Variants in DCBLD2 observed in about 807,000 individuals in gnomAD.
DCBLD2 encodes the protein discoidin, CUB and LCCL domain-containing protein 2.
A neutral mutation model predicts 86.8 loss-of-function variants in DCBLD2; 54 were observed. That is an observed-to-expected ratio of 0.62 (90% CI 0.50 to 0.78). DCBLD2 has a LOEUF of 0.78. Among genes scored for constraint, DCBLD2 ranks in the 30% least tolerant of loss-of-function variants. The probability of loss-of-function intolerance (pLI) is 0.00; values close to 1 mark genes in which losing one functional copy is unlikely to be tolerated. For synonymous variants in DCBLD2, 354 were observed against 341.3 expected (o/e 1.04, Z -0.41); for missense variants, 908 against 954.2 (o/e 0.95, Z 0.64).
intron 3 of DCBLD2, among the ~76,000 whole-genome samples, chr3:98,830,540 T>G (rs1413620014): frequency 1.3e-5 from 2 of 152,222 alleles, no homozygotes; most frequent in Non-Finnish European, 2.9e-5. Context: ...GAAGATCAGG[T>G]GGTTGCAGAT....
chr3:98,846,321 AG>A (rs964193029), intron 3 of DCBLD2, among the ~76,000 whole-genome samples: 2 of 152,220 alleles, frequency 1.3e-5, no homozygotes, highest in Non-Finnish European at 2.9e-5. Flanking sequence ...CTTCTAGGCT[AG>A]GGACATGTAG....
chr3:98,836,006 A>T (rs1178897067), intron 3 of DCBLD2, among the ~76,000 whole-genome samples: 17 of 132,966 alleles, frequency 1.3e-4, no homozygotes, highest in African/African-American at 4.5e-4. Context: ...AATTCTTTTG[A>T]ACTTATGTAT....
At chr3:98,824,485 C>T (rs1942181083) in intron 4 of DCBLD2, among the ~76,000 whole-genome samples, 1 of 152,204 alleles carries the variant, frequency 6.6e-6, no homozygotes, top group African/African-American at 2.4e-5. Flanking sequence ...AGAGGGCACC[C>T]TTCCCACACA....
At chr3:98,822,204 T>A in intron 6 of DCBLD2, 24 bp downstream of exon 6, 1 of 1,612,340 alleles carries the variant, frequency 6.2e-7, no homozygotes, top group Non-Finnish European at 8.5e-7. Flanking sequence ...TAGCATATAT[T>A]TTTTAAATTG....
At chr3:98,901,097 C>G (rs1213143357) in intron 1 of DCBLD2, 25 bp downstream of exon 1, 2 of 1,538,444 alleles carry the variant, frequency 1.3e-6, no homozygotes, top group Non-Finnish European at 1.7e-6. Context: ...GTTCCCCCGC[C>G]GCTCACTCCC....
chr3:98,847,196 T>C (rs572054634), intron 3 of DCBLD2, among the ~76,000 whole-genome samples: 131 of 152,280 alleles, frequency 8.6e-4, no homozygotes, highest in African/African-American at 2.8e-3. Context: ...GTGTCTGCTA[T>C]GTCATGAGCC....
intron 3 of DCBLD2, among the ~76,000 whole-genome samples, chr3:98,844,025 A>T (rs1576177190): frequency 2.1e-5 from 1 of 48,016 alleles, no homozygotes; most frequent in East Asian, 1.3e-3. Flanking sequence ...CCACTTTCCA[A>T]TCATGCATGC....
At chr3:98,833,230 T>A (rs1942355145) in intron 3 of DCBLD2, among the ~76,000 whole-genome samples, 1 of 152,242 alleles carries the variant, frequency 6.6e-6, no homozygotes. Context: ...CTGCTGTTAA[T>A]ACTTGCAATT....
rs114280529 is a variant in DCBLD2 at position 98,826,198 on chromosome 3, C to T, written c.572-832G>A. On this transcript the variant is annotated intron_variant, in intron 3 of 15. Coordinates refer to ENST00000326840, the MANE Select transcript of DCBLD2 (RefSeq NM_080927.4). Reference sequence around the variant, plus strand: ...AGCAAAAAAAACAAAACAAAACACACCATTTCAGTGGCTTCCTTCTCTTAG... The same window carrying T: ...AGCAAAAAAAACAAAACAAAACACATCATTTCAGTGGCTTCCTTCTCTTAG... Among the ~76,000 whole-genome samples the T allele has an allele frequency of 6.7e-3, 1,015 of 152,210 alleles. 14 individuals are homozygous for T. The highest frequency in any genetic ancestry group is 0.024 in the African/African-American group (976 of 41,518).
At chr3:98,802,326 ATG>A (rs1411772198) in intron 13 of DCBLD2, among the ~76,000 whole-genome samples, 1 of 151,980 alleles carries the variant, frequency 6.6e-6, no homozygotes, top group East Asian at 1.9e-4. Context: ...GCATTTTTTC[ATG>A]TGTTTGTTGG....
intron 3 of DCBLD2, among the ~76,000 whole-genome samples, chr3:98,827,873 TA>T (rs1463108317): frequency 1.3e-5 from 2 of 152,242 alleles, no homozygotes; most frequent in Non-Finnish European, 2.9e-5. Flanking sequence ...TAGCAATGTA[TA>T]AGTCATCATA....
At chr3:98,822,777 C>T in intron 4 of DCBLD2, 36 bp from the exon 5 acceptor site, 1 of 1,530,280 alleles carries the variant, frequency 6.5e-7, no homozygotes, top group Non-Finnish European at 8.8e-7. Context: ...TTACATAATG[C>T]TGTATTTTAC....
chr3:98,817,735 ATGT>A (rs1942049438), intron 9 of DCBLD2, 31 bp downstream of exon 9: 2 of 1,608,596 alleles, frequency 1.2e-6, no homozygotes, highest in Non-Finnish European at 1.7e-6. Flanking sequence ...CATTTAAAAA[ATGT>A]TTTTTAAAAA....
chr3:98,899,961 G>T (rs1477756013), intron 1 of DCBLD2, among the ~76,000 whole-genome samples: 1 of 152,138 alleles, frequency 6.6e-6, no homozygotes, highest in African/African-American at 2.4e-5. Context: ...ATTAAATGAT[G>T]ATGATGTTCA....
chr3:98,874,635 A>C (rs1943337236), intron 2 of DCBLD2, among the ~76,000 whole-genome samples: 1 of 152,202 alleles, frequency 6.6e-6, no homozygotes, highest in Non-Finnish European at 1.5e-5. Flanking sequence ...CCCAACTCTT[A>C]ATATGACTAG....
At chr3:98,877,065 G>C (rs1002533851) in intron 2 of DCBLD2, among the ~76,000 whole-genome samples, 2 of 152,154 alleles carry the variant, frequency 1.3e-5, no homozygotes, top group Non-Finnish European at 2.9e-5. Flanking sequence ...TAAAAGGAAA[G>C]AAGAAATGCA....
At chr3:98,850,267 G>C (rs1942809409) in intron 2 of DCBLD2, among the ~76,000 whole-genome samples, 1 of 152,206 alleles carries the variant, frequency 6.6e-6, no homozygotes, top group Non-Finnish European at 1.5e-5. Context: ...AAAAAGAATT[G>C]TCTTGGGCCA....
intron 3 of DCBLD2, among the ~76,000 whole-genome samples, chr3:98,844,610 G>A (rs1360403741): frequency 3.3e-5 from 5 of 152,064 alleles, no homozygotes; most frequent in Non-Finnish European, 5.9e-5. Flanking sequence ...TGACCCACCC[G>A]CTTCGGCCTC....
intron 3 of DCBLD2, among the ~76,000 whole-genome samples, chr3:98,840,455 T>A (rs975692855): frequency 6.6e-6 from 1 of 152,170 alleles, no homozygotes; most frequent in African/African-American, 2.4e-5. Context: ...CTTTAATATG[T>A]CCTATAATAC....
Sources: allele counts gnomAD v4.1 joint callset (sites outside exome capture counted in the v4.1 genomes callset), GRCh38; gene constraint gnomAD v4.1.1; transcripts MANE v1.5; gene names NCBI Gene and HGNC (gene_info 2026-07-23, HGNC 2026-07-21).